LDLRAD3: variants seen among roughly 807,000 people sequenced by gnomAD.
LDLRAD3 encodes the protein low density lipoprotein receptor class A domain containing 3.
In LDLRAD3, 20 loss-of-function variants were observed where a neutral mutation model predicts 29.4. That is an observed-to-expected ratio of 0.68 (90% CI 0.48 to 0.99). The LOEUF is 0.99. Ranked by LOEUF, LDLRAD3 falls within the 50% of genes least tolerant of loss-of-function variation. The pLI is 0.00. For synonymous variants in LDLRAD3, 157 were observed against 192.7 expected (o/e 0.81, Z 1.53); for missense variants, 420 against 454.3 (o/e 0.92, Z 0.69).
intron 4 of LDLRAD3, among the ~76,000 whole-genome samples, chr11:36,169,325 T>A (rs140155327): frequency 6.6e-6 from 1 of 152,226 alleles, no homozygotes; most frequent in Non-Finnish European, 1.5e-5. Flanking sequence ...CTAGCTGTTT[T>A]GAAATATATA....
chr11:36,187,833 T>A (rs1314754881), intron 4 of LDLRAD3, among the ~76,000 whole-genome samples: 3 of 152,222 alleles, frequency 2.0e-5, no homozygotes, highest in South Asian at 2.1e-4. Flanking sequence ...GAGACAAGCC[T>A]CTGTCTCCTG....
chr11:36,193,396 C>T (rs986772162), intron 4 of LDLRAD3, among the ~76,000 whole-genome samples: 3 of 152,202 alleles, frequency 2.0e-5, no homozygotes, highest in Admixed American at 1.3e-4. Flanking sequence ...GTAGCTCATC[C>T]TGCATACAGT....
chr11:36,187,728 G>C (rs115959154), intron 4 of LDLRAD3, among the ~76,000 whole-genome samples: 259 of 152,310 alleles, frequency 1.7e-3, no homozygotes, highest in African/African-American at 6.0e-3. Flanking sequence ...CAAGGACAGT[G>C]TTGGTAGGGT....
chr11:36,054,773 A>G (rs77473321), intron 2 of LDLRAD3, among the ~76,000 whole-genome samples: 7,885 of 132,946 alleles, frequency 0.059, 271 homozygotes, highest in South Asian at 0.15. Flanking sequence ...ATGGATGGAT[A>G]GATGGATGGA....
At chr11:35,989,016 T>C (rs1430110653) in intron 1 of LDLRAD3, 3 of 152,246 alleles carry the variant, frequency 2.0e-5, no homozygotes, top group Admixed American at 6.5e-5. Context: ...TGTGGTCTTA[T>C]ATTTAAATCT....
chr11:35,950,253 A>G (rs1460447393), intron 1 of LDLRAD3, among the ~76,000 whole-genome samples: 4 of 152,220 alleles, frequency 2.6e-5, no homozygotes, highest in African/African-American at 9.6e-5. Flanking sequence ...AGAGCCGTGA[A>G]GATGTCACAG....
At chr11:36,024,994 A>G (rs1448037836) in intron 1 of LDLRAD3, among the ~76,000 whole-genome samples, 1 of 152,238 alleles carries the variant, frequency 6.6e-6, no homozygotes, top group East Asian at 1.9e-4. Context: ...CTTAGGAGAT[A>G]ACATTTATTT....
Position 35,953,786 on chromosome 11 carries a change from A to G in LDLRAD3, c.46+9642A>G, listed in dbSNP as rs944308100. Among the ~76,000 whole-genome samples the G allele has an allele frequency of 9.2e-5, 14 of 152,216 alleles. No homozygotes were observed. In the East Asian group the frequency reaches 2.3e-3, roughly 25 times the overall value. On this transcript the variant is annotated intron_variant, in intron 1 of 5. Coordinates refer to ENST00000315571, the MANE Select transcript of LDLRAD3 (RefSeq NM_174902.4). ...ACATAGGGTATTTCATCAGAGTTCA[A>G]GCTGTAAAGAATGGTTAATGCTAAG...
intron 3 of LDLRAD3, among the ~76,000 whole-genome samples, chr11:36,091,323 T>A (rs1288835290): frequency 1.3e-5 from 2 of 152,190 alleles, no homozygotes; most frequent in African/African-American, 2.4e-5. Context: ...AAGAGTACAT[T>A]TCCTAAGTCC....
intron 4 of LDLRAD3, among the ~76,000 whole-genome samples, chr11:36,210,080 A>G (rs1855263376): frequency 6.6e-6 from 1 of 152,238 alleles, no homozygotes; most frequent in Non-Finnish European, 1.5e-5. Flanking sequence ...ATTTTAAATA[A>G]TCTTAGCCAT....
intron 4 of LDLRAD3, among the ~76,000 whole-genome samples, chr11:36,137,301 G>T (rs1565249896): frequency 6.6e-6 from 1 of 152,158 alleles, no homozygotes; most frequent in African/African-American, 2.4e-5. Context: ...AATATCCTTT[G>T]CCTGCCTGAA....
At chr11:36,086,108 G>T (rs1853192000) in intron 3 of LDLRAD3, among the ~76,000 whole-genome samples, 1 of 151,914 alleles carries the variant, frequency 6.6e-6, no homozygotes, top group Non-Finnish European at 1.5e-5. Context: ...ATTTCTTTTT[G>T]GTTTTCTTTA....
intron 4 of LDLRAD3, 32 bp from the exon 5 acceptor site, chr11:36,227,053 C>G (rs1261910874): frequency 4.0e-6 from 6 of 1,483,526 alleles, no homozygotes; most frequent in Non-Finnish European, 5.5e-6. Flanking sequence ...TGGTAACCTT[C>G]TCTCTTTTCT....
In LDLRAD3 at chr11:36,229,417, C is replaced by T. The variant is rs560661161; in HGVS notation, c.*20C>T. On this transcript the variant is annotated 3_prime_UTR_variant, in exon 6 of 6. Transcript: ENST00000315571. ...GTATAAGTCCCAGTTATTCCAAAGT[C>T]CATATGGGTTAATCTGCTCTGACTT... The T allele has an allele frequency of 1.2e-5, 19 of 1,528,432 alleles. 1 individual carries two copies. The South Asian group carries it at 1.9e-4, about 15-fold the overall frequency. The allele number at this position is 1,528,432 out of a possible 1,614,324, so 94.7% of individuals were successfully genotyped here.
Position 35,969,226 on chromosome 11 carries a change from G to T in LDLRAD3, c.46+25082G>T, listed in dbSNP as rs758582402. Reference sequence around the variant, plus strand: ...TGGAGGCTTCTCTGCTCACGCTGGTGTGAACCCCAAGGGGCTTCCCCTGAA... The same window carrying T: ...TGGAGGCTTCTCTGCTCACGCTGGTTTGAACCCCAAGGGGCTTCCCCTGAA... On this transcript the variant is annotated intron_variant, in intron 1 of 5. Transcript: ENST00000315571. 3.7e-4 allele frequency among the ~76,000 whole-genome samples: 57 copies of T among 152,172 alleles called. 1 individual carries two copies. The highest frequency in any genetic ancestry group is 5.9e-4 in the Admixed American group (9 of 15,280).
intron 4 of LDLRAD3, among the ~76,000 whole-genome samples, chr11:36,144,770 C>T (rs1854149026): frequency 7.3e-6 from 1 of 137,568 alleles, no homozygotes; most frequent in South Asian, 2.4e-4. Context: ...GGGTCAGCCC[C>T]CCGCCCGGCC....
chr11:35,959,306 G>A (rs1262587313), intron 1 of LDLRAD3, among the ~76,000 whole-genome samples: 1 of 152,118 alleles, frequency 6.6e-6, no homozygotes, highest in Non-Finnish European at 1.5e-5. Context: ...CTAGAAAAGT[G>A]TCCTCCCATC....
In LDLRAD3 at chr11:36,198,647, C is replaced by T. The variant is rs190557773; in HGVS notation, c.455-28438C>T. Among the ~76,000 whole-genome samples, 7 of 152,332 alleles carry T rather than the reference C, an allele frequency of 4.6e-5. 1 individual carries two copies. In the South Asian group the frequency reaches 6.2e-4, roughly 14 times the overall value. ...GCCAGCCTTCTTCACTCTCACCTGACAGCTCTTGGCACACACCTAGCTCTG... is the reference window on the plus strand; with the variant it reads ...GCCAGCCTTCTTCACTCTCACCTGATAGCTCTTGGCACACACCTAGCTCTG... On this transcript the variant is annotated intron_variant, in intron 4 of 5. Transcript: ENST00000315571.
intron 1 of LDLRAD3, among the ~76,000 whole-genome samples, chr11:36,029,816 C>T (rs78283217): frequency 0.084 from 12,825 of 152,162 alleles, 609 homozygotes; most frequent in South Asian, 0.14. Flanking sequence ...GGAGAAACAA[C>T]CATATAGCTA....
Sources: gnomAD v4.1 joint callset for allele counts (sites outside exome capture counted in the v4.1 genomes callset) on GRCh38, gnomAD v4.1.1 for gene constraint, MANE v1.5 for transcripts, NCBI Gene and HGNC (gene_info 2026-07-23, HGNC 2026-07-21) for gene names.